ZNF205: variants seen among roughly 807,000 people sequenced by gnomAD.
ZNF205 encodes the protein transcriptional repressor RHIT.
A neutral mutation model predicts 53.6 loss-of-function variants in ZNF205; 32 were observed. The observed-to-expected ratio is 0.60, with a 90% CI of 0.45 to 0.80. The LOEUF is 0.80. Among genes scored for constraint, ZNF205 ranks in the 30% least tolerant of loss-of-function variants. ZNF205 has a pLI of 0.00. For synonymous variants in ZNF205, 382 were observed against 334.3 expected (o/e 1.14, Z -1.56); for missense variants, 836 against 782.4 (o/e 1.07, Z -0.82).
rs1236414821 is a variant in ZNF205, at chr16:3,115,945, G to T, written c.363+25G>T. Reference sequence around the variant, plus strand: ...GGTGAGTGGCCCTTCCCCGGCCCCTGCATGGTACTCAGCCCTTCCTGCATC... The same window carrying T: ...GGTGAGTGGCCCTTCCCCGGCCCCTTCATGGTACTCAGCCCTTCCTGCATC... On this transcript the variant is annotated intron_variant, in intron 4 of 6. Coordinates refer to ENST00000219091, the MANE Select transcript of ZNF205 (RefSeq NM_001042428.2). The T allele has an allele frequency of 4.4e-6, 7 of 1,604,168 alleles. No homozygotes were observed. In the Admixed American group the frequency reaches 1.2e-4, roughly 27 times the overall value.
Position 3,119,706 on chromosome 16 carries a change from C to T in ZNF205, c.1046C>T (p.Ser349Leu). 4 of 1,613,654 alleles carry T rather than the reference C, an allele frequency of 2.5e-6. No homozygotes were observed. Among genetic ancestry groups the T allele is most frequent in the Non-Finnish European group, 3.4e-6 (4 of 1,179,884 alleles). ...TGCGGGAAGCGCTTCGGCCGCAGCT[C>T]GCACCTCATCCAGCACCAGATCATC... is the stretch of plus-strand genomic sequence containing the variant. ...TDCGKRFGRS[S>L]HLIQHQIIHT... The change falls in exon 7 of 7, where the codon TCG (serine) becomes TTG (leucine). Residue 349 changes from serine (S) to leucine (L), a missense_variant. Coordinates refer to ENST00000219091, the MANE Select transcript of ZNF205 (RefSeq NM_001042428.2).
rs759539960 is a variant in ZNF205, at chr16:3,119,352, G to T, written c.692G>T (p.Gly231Val). Reference sequence around the variant, plus strand: ...ACCAGGGCAGGGAGAGTCCAGTGGGGCGTCCCGCAGTGCGCGCAGGAAGCA... The same window carrying T: ...ACCAGGGCAGGGAGAGTCCAGTGGGTCGTCCCGCAGTGCGCGCAGGAAGCA... ...FRTRAGRVQW[G>V]VPQCAQEAAC... Residue 231 changes from glycine to valine, a missense_variant, in exon 7 of 7, where the codon GGC becomes GTC. By Grantham distance (109) the Gly-to-Val change is moderately radical. Transcript: ENST00000219091. 1.9e-5 allele frequency: 31 copies of T among 1,612,680 alleles called. No homozygotes were observed. The South Asian group carries it at 3.2e-4, about 17-fold the overall frequency.
Position 3,119,306 on chromosome 16 carries a change from G to A in ZNF205, c.646G>A (p.Gly216Arg), listed in dbSNP as rs1957387309. The change falls in exon 7 of 7, where the codon GGG (glycine) becomes AGG (arginine). Residue 216 changes from glycine to arginine, a missense_variant. Physicochemically the swap from Gly to Arg is moderately radical, Grantham distance 125. Transcript: ENST00000219091. ...GCAGACCTCATCCGTGGCAGCCCTT[G>A]GGAATGTGAAGCCCTTCAGAACCAG... ...RVQTSSVAALGNVKPFRTRAG... is the reference protein window; with the variant it reads ...RVQTSSVAALRNVKPFRTRAG... 6.2e-7 allele frequency: 1 copy of A among 1,611,380 alleles called. No individual in the cohort carries two copies. Among genetic ancestry groups the A allele is most frequent in the African/African-American group, 1.3e-5 (1 of 74,974 alleles).
intron 5 of ZNF205, among the ~76,000 whole-genome samples, chr16:3,118,638 G>A (rs1261142680): frequency 2.0e-5 from 3 of 152,128 alleles, no homozygotes; most frequent in South Asian, 2.1e-4. Context: ...TACCCGTCCC[G>A]TGGGCGTTGA....
intron 5 of ZNF205, among the ~76,000 whole-genome samples, chr16:3,118,084 G>A (rs1338996831): frequency 2.9e-5 from 4 of 136,646 alleles, no homozygotes; most frequent in African/African-American, 5.6e-5. Context: ...GGATGGTCTC[G>A]ATCTCCTGAC....
chr16:3,118,600 C>T (rs1291704141), intron 5 of ZNF205, among the ~76,000 whole-genome samples: 1 of 152,176 alleles, frequency 6.6e-6, no homozygotes, highest in Admixed American at 6.5e-5. Context: ...CTACCCTTGC[C>T]CCTCCAGGTG....
chr16:3,113,484 G>C lies in ZNF205; in HGVS notation c.54G>C (p.Pro18=). The C allele has an allele frequency of 6.2e-7, 1 of 1,613,422 alleles. No individual in the cohort carries two copies. Among genetic ancestry groups the C allele is most frequent in the Non-Finnish European group, 8.5e-7 (1 of 1,179,760 alleles). ...ACACCCAGGACAAGGAGACACCCCC[G>C]GAGGTACAGATGGGGCTGGCTGAGG... ...IQDTQDKETP[P]EVPDRGHPHQ... is the part of the protein sequence containing the mutation. Residue 18 remains proline, a synonymous_variant, in exon 2 of 7, where the codon CCG becomes CCC. Coordinates refer to ENST00000219091, the MANE Select transcript of ZNF205 (RefSeq NM_001042428.2).
intron 6 of ZNF205, 95 bp downstream of exon 6, chr16:3,119,110 C>A (rs1374561739): frequency 2.6e-6 from 4 of 1,526,512 alleles, no homozygotes; most frequent in South Asian, 1.2e-5. Flanking sequence ...GCCACCAGAC[C>A]CCCTCCTGGG....
chr16:3,113,346 T>C (rs1957295051), intron 1 of ZNF205, 71 bp from the exon 2 acceptor site: 3 of 1,520,530 alleles, frequency 2.0e-6, no homozygotes, highest in Admixed American at 1.8e-5. Context: ...TCTGCTCTTC[T>C]AGGCTCCTGG....
intron 2 of ZNF205, among the ~76,000 whole-genome samples, chr16:3,114,627 T>C (rs1459547159): frequency 1.3e-5 from 2 of 152,188 alleles, no homozygotes; most frequent in African/African-American, 4.8e-5. Flanking sequence ...TCCCCAGCCA[T>C]GGTGTGTTAG....
chr16:3,119,157 C>T (rs1957384892), intron 6 of ZNF205, 99 bp from the exon 7 acceptor site: 2 of 1,505,284 alleles, frequency 1.3e-6, no homozygotes, highest in Admixed American at 2.2e-5. Context: ...GCTTTCTGGT[C>T]TCTGAGAATC....
In ZNF205 at chr16:3,119,439, C is replaced by G; in HGVS notation, c.779C>G (p.Thr260Ser). Residue 260 changes from threonine (T) to serine (S), a missense_variant, in exon 7 of 7, where the codon ACC becomes AGC. Coordinates refer to ENST00000219091, the MANE Select transcript of ZNF205 (RefSeq NM_001042428.2). Reference protein sequence around the residue: ...DSGQPAEPDRTPDAAPPDPSP... With the variant: ...DSGQPAEPDRSPDAAPPDPSP... ...GGGCAGCCGGCTGAGCCAGATCGCA[C>G]CCCGGATGCAGCTCCGCCAGACCCC... The G allele has an allele frequency of 6.3e-7, 1 of 1,595,698 alleles. No individual in the cohort carries two copies. Among genetic ancestry groups the G allele is most frequent in the South Asian group, 1.1e-5 (1 of 89,576 alleles).
chr16:3,115,230 G>C, intron 2 of ZNF205, 125 bp from the exon 3 acceptor site: 1 of 713,300 alleles, frequency 1.4e-6, no homozygotes, highest in Non-Finnish European at 2.1e-6. Flanking sequence ...CTGGATGAAT[G>C]CAGCAAGGAC....
At chr16:3,116,638 C>G (rs1283468352) in intron 5 of ZNF205, 91 bp downstream of exon 5, 2 of 1,501,070 alleles carry the variant, frequency 1.3e-6, no homozygotes, top group African/African-American at 2.8e-5. Context: ...CTCTCTCTCC[C>G]ACCCTTCTCC....
At chr16:3,116,341 G>T in intron 4 of ZNF205, 86 bp from the exon 5 acceptor site, 1 of 1,571,206 alleles carries the variant, frequency 6.4e-7, no homozygotes, top group Non-Finnish European at 8.7e-7. Flanking sequence ...TGGGAGTCCG[G>T]GGTCTCACCA....
rs139131273 is a variant in ZNF205, at chr16:3,120,076, C to T, written c.1416C>T (p.Gly472=). 2 of 1,613,892 alleles carry T rather than the reference C, an allele frequency of 1.2e-6. No homozygotes were observed. Among genetic ancestry groups the T allele is most frequent in the East Asian group, 2.2e-5 (1 of 44,876 alleles). ...NLIAHNRTHT[G]EKPYHCLDCG... Reference sequence around the variant, plus strand: ...TCGCGCACAACCGCACACACACAGGCGAGAAGCCCTACCACTGCCTCGACT... The same window carrying T: ...TCGCGCACAACCGCACACACACAGGTGAGAAGCCCTACCACTGCCTCGACT... The change falls in exon 7 of 7, where the codon GGC becomes GGT. Residue 472 remains glycine (G), a synonymous_variant. Coordinates refer to ENST00000219091, the MANE Select transcript of ZNF205 (RefSeq NM_001042428.2).
At chr16:3,118,760 A>AG in intron 5 of ZNF205, 145 bp from the exon 6 acceptor site, 3 of 810,650 alleles carry the variant, frequency 3.7e-6, no homozygotes, top group Non-Finnish European at 3.8e-6. Context: ...CCCCCGACCC[A>AG]GGGGGCCTTC....
At position 3,116,485 on chromosome 16, in the gene ZNF205, T is replaced by C; in HGVS notation, c.422T>C (p.Leu141Pro). 6.2e-7 allele frequency: 1 copy of C among 1,614,120 alleles called. No homozygotes were observed. Residue 141 changes from leucine to proline, a missense_variant, in exon 5 of 7, where the codon CTG becomes CCG. Coordinates refer to ENST00000219091, the MANE Select transcript of ZNF205 (RefSeq NM_001042428.2). The stretch of plus-strand genomic sequence containing the variant: ...CTCTCCCGGGAGGAGTGGGGACGGC[T>C]GGACCACACGCAGCAGAACTTCTAC... The part of the protein sequence containing the change: ...LYLSREEWGR[L>P]DHTQQNFYRD...
intron 1 of ZNF205, chr16:3,113,025 C>T: frequency 4.5e-6 from 1 of 223,926 alleles, no homozygotes; most frequent in Non-Finnish European, 8.8e-6. Flanking sequence ...ACGGGCGGGG[C>T]CCCACCAGCA....
Sources: allele counts gnomAD v4.1 joint callset (sites outside exome capture counted in the v4.1 genomes callset), GRCh38; gene constraint gnomAD v4.1.1; transcripts MANE v1.5; gene names NCBI Gene and HGNC (gene_info 2026-07-23, HGNC 2026-07-21).